The following CMTM7 variants were observed in gnomAD, a reference collection of about 807,000 sequenced individuals.
CMTM7 encodes the protein CKLF like MARVEL transmembrane domain containing 7.
Under a neutral mutation model 19.3 loss-of-function variants are expected in CMTM7, and 7 were observed. That is an observed-to-expected ratio of 0.36 (90% confidence interval 0.21 to 0.68). CMTM7 has a LOEUF of 0.68. Ranked by LOEUF, CMTM7 falls within the 30% of genes least tolerant of loss-of-function variation. The pLI is 0.60. For synonymous variants in CMTM7, 87 were observed against 99.3 expected (o/e 0.88, Z 0.74); for missense variants, 193 against 232.6 (o/e 0.83, Z 1.11).
In CMTM7 at chr3:32,430,867, C is replaced by G. The variant is rs534036073; in HGVS notation, c.160-10973C>G. On this transcript the variant is annotated intron_variant, in intron 1 of 4. Coordinates refer to ENST00000334983, the MANE Select transcript of CMTM7 (RefSeq NM_138410.4). Reference sequence around the variant, plus strand: ...TGGTTTTGTGTTTCTTTACTCACCTCTCCTCTAGACAGTACGTGGAGAGGG... The same window carrying G: ...TGGTTTTGTGTTTCTTTACTCACCTGTCCTCTAGACAGTACGTGGAGAGGG... Among the ~76,000 whole-genome samples, 6 of 152,272 alleles carry G rather than the reference C, an allele frequency of 3.9e-5. No individual in the cohort carries two copies. The East Asian group carries it at 9.6e-4, about 24-fold the overall frequency.
At chr3:32,424,789 G>A (rs1247782196) in intron 1 of CMTM7, among the ~76,000 whole-genome samples, 1 of 152,120 alleles carries the variant, frequency 6.6e-6, no homozygotes, top group Non-Finnish European at 1.5e-5. Context: ...TGGACCACAG[G>A]TGTGCGCCAC....
intron 3 of CMTM7, chr3:32,452,114 C>T: frequency 6.9e-7 from 1 of 1,447,264 alleles, no homozygotes; most frequent in Middle Eastern, 1.8e-4. Flanking sequence ...TAAATGTAAA[C>T]CCAGACCAGG....
At chr3:32,437,010 G>A (rs1413441041) in intron 1 of CMTM7, among the ~76,000 whole-genome samples, 2 of 152,184 alleles carry the variant, frequency 1.3e-5, no homozygotes, top group African/African-American at 2.4e-5. Flanking sequence ...GGTTGCGGGT[G>A]TACACTCAAG....
intron 1 of CMTM7, among the ~76,000 whole-genome samples, chr3:32,438,921 A>G (rs1696636884): frequency 6.6e-6 from 1 of 152,226 alleles, no homozygotes; most frequent in Admixed American, 6.5e-5. Flanking sequence ...GCATTAAACT[A>G]GATGCAAAAT....
intron 1 of CMTM7, among the ~76,000 whole-genome samples, chr3:32,408,014 G>T (rs1230373435): frequency 6.6e-6 from 1 of 152,158 alleles, no homozygotes; most frequent in Non-Finnish European, 1.5e-5. Flanking sequence ...TTGAAATAAG[G>T]GGATCACCCT....
intron 1 of CMTM7, among the ~76,000 whole-genome samples, chr3:32,439,537 T>A (rs1696645806): frequency 6.6e-6 from 1 of 152,246 alleles, no homozygotes; most frequent in Non-Finnish European, 1.5e-5. Context: ...CACTGCAACC[T>A]CAACCTCCTA....
chr3:32,414,690 A>G (rs1325982919), intron 1 of CMTM7, among the ~76,000 whole-genome samples: 2 of 152,262 alleles, frequency 1.3e-5, no homozygotes, highest in African/African-American at 2.4e-5. Context: ...CAAGAATGTT[A>G]TGATATGGAG....
At chr3:32,435,708 T>A (rs1286585729) in intron 1 of CMTM7, among the ~76,000 whole-genome samples, 1 of 152,188 alleles carries the variant, frequency 6.6e-6, no homozygotes, top group East Asian at 1.9e-4. Flanking sequence ...CAGCCCCGAA[T>A]GTCAGTAATG....
intron 1 of CMTM7, among the ~76,000 whole-genome samples, chr3:32,436,400 C>T (rs1367368510): frequency 6.6e-6 from 1 of 152,164 alleles, no homozygotes; most frequent in African/African-American, 2.4e-5. Flanking sequence ...AAGTTGGGAG[C>T]ATACCACATT....
chr3:32,452,432 T>C lies in CMTM7; in HGVS notation c.473T>C (p.Ile158Thr). 6.2e-7 allele frequency: 1 copy of C among 1,614,160 alleles called. No homozygotes were observed. The highest frequency in any genetic ancestry group is 8.5e-7 in the Non-Finnish European group (1 of 1,180,034). Residue 158 changes from isoleucine (I) to threonine (T), a missense_variant, in exon 4 of 5, where the codon ATA (isoleucine) becomes ACA (threonine). Transcript: ENST00000334983. Reference protein sequence around the residue: ...FMATFLCMASIWLSYKISCVT... With the variant: ...FMATFLCMASTWLSYKISCVT... ...GCCACCTTCCTCTGCATGGCAAGCA[T>C]ATGGCTGTCCTATAAGATCTCGTGT...
intron 1 of CMTM7, among the ~76,000 whole-genome samples, chr3:32,429,816 G>C (rs1337012105): frequency 1.3e-5 from 2 of 152,070 alleles, no homozygotes; most frequent in East Asian, 1.9e-4. Context: ...AGTCAGGAAG[G>C]TCTTGATCTC....
chr3:32,432,836 G>T (rs1042507635), intron 1 of CMTM7, among the ~76,000 whole-genome samples: 22 of 152,218 alleles, frequency 1.4e-4, no homozygotes, highest in Admixed American at 1.1e-3. Flanking sequence ...TCTCTTTGGG[G>T]TTCAACCCTC....
At chr3:32,425,121 T>C (rs922471539) in intron 1 of CMTM7, among the ~76,000 whole-genome samples, 2 of 152,258 alleles carry the variant, frequency 1.3e-5, no homozygotes, top group African/African-American at 4.8e-5. Context: ...GGTGCCTCTC[T>C]GTGCCTCAGT....
chr3:32,451,659 G>C (rs1469195701), intron 3 of CMTM7: 1 of 185,584 alleles, frequency 5.4e-6, no homozygotes, highest in East Asian at 1.7e-4. Flanking sequence ...AAGGAAAATG[G>C]CTGCAGGCTT....
At chr3:32,402,189 G>A (rs1163368484) in intron 1 of CMTM7, among the ~76,000 whole-genome samples, 1 of 152,148 alleles carries the variant, frequency 6.6e-6, no homozygotes, top group Non-Finnish European at 1.5e-5. Context: ...TTGGCTCACT[G>A]CAGCCTCCTC....
At chr3:32,425,824 C>T (rs906624016) in intron 1 of CMTM7, among the ~76,000 whole-genome samples, 7 of 152,168 alleles carry the variant, frequency 4.6e-5, no homozygotes, top group Admixed American at 3.3e-4. Context: ...CAGGAAAGGA[C>T]ACCGGTCGGC....
rs761934665 is a variant in CMTM7, at chr3:32,454,267, C to A, written c.*13C>A. The A allele has an allele frequency of 1.4e-5, 22 of 1,613,448 alleles. No homozygotes were observed. The highest frequency in any genetic ancestry group is 1.0e-4 in the Admixed American group (6 of 59,970). On this transcript the variant is annotated 3_prime_UTR_variant, in exon 5 of 5. Transcript: ENST00000334983. Reference sequence around the variant, plus strand: ...TGCAGCCGTCTGATGAGGCCACAACCCCTAGGCCCCTCAGGAGCTTTGCAG... The same window carrying A: ...TGCAGCCGTCTGATGAGGCCACAACACCTAGGCCCCTCAGGAGCTTTGCAG...
intron 1 of CMTM7, among the ~76,000 whole-genome samples, chr3:32,409,677 T>C (rs1224232523): frequency 6.6e-6 from 1 of 152,196 alleles, no homozygotes; most frequent in South Asian, 2.1e-4. Context: ...TGTCCCTTCA[T>C]TGGATATTAA....
intron 1 of CMTM7, among the ~76,000 whole-genome samples, chr3:32,423,353 A>G (rs1463026245): frequency 1.3e-5 from 2 of 152,246 alleles, no homozygotes; most frequent in Non-Finnish European, 2.9e-5. Flanking sequence ...AGAAAAATCA[A>G]TATGTAGATA....
Sources: allele counts gnomAD v4.1 joint callset (sites outside exome capture counted in the v4.1 genomes callset), GRCh38; gene constraint gnomAD v4.1.1; transcripts MANE v1.5; gene names NCBI Gene and HGNC (gene_info 2026-07-23, HGNC 2026-07-21).